ASTN2: variants seen among roughly 807,000 people sequenced by gnomAD.
The protein encoded by ASTN2 is astrotactin 2, also known as astrotactin-2.
A neutral mutation model predicts 139.8 loss-of-function variants in ASTN2; 54 were observed. That is an observed-to-expected ratio of 0.39 (90% CI 0.31 to 0.48). ASTN2 has a LOEUF of 0.48. Among genes scored for constraint, ASTN2 ranks in the 20% least tolerant of loss-of-function variants. The pLI is 0.95. For synonymous variants in ASTN2, 756 were observed against 719.5 expected (o/e 1.05, Z -0.81); for missense variants, 1,565 against 1,725.1 (o/e 0.91, Z 1.64).
At chr9:117,146,165 A>G (rs1301119337) in intron 3 of ASTN2, among the ~76,000 whole-genome samples, 1 of 152,012 alleles carries the variant, frequency 6.6e-6, no homozygotes, top group Non-Finnish European at 1.5e-5. Flanking sequence ...AGCTCTATCG[A>G]TATCAGTATA....
intron 2 of ASTN2, among the ~76,000 whole-genome samples, chr9:117,244,267 A>C (rs1194041358): frequency 6.6e-6 from 1 of 152,174 alleles, no homozygotes; most frequent in Non-Finnish European, 1.5e-5. Flanking sequence ...GTGTGAGAAC[A>C]GTCTAATACA....
At chr9:117,013,007 G>C (rs1278639115) in intron 6 of ASTN2, among the ~76,000 whole-genome samples, 1 of 152,154 alleles carries the variant, frequency 6.6e-6, no homozygotes, top group Non-Finnish European at 1.5e-5. Flanking sequence ...AAGCATGACT[G>C]TCTGCTCCCC....
intron 13 of ASTN2, among the ~76,000 whole-genome samples, chr9:116,743,260 G>T (rs1829141839): frequency 6.6e-6 from 1 of 152,080 alleles, no homozygotes; most frequent in Non-Finnish European, 1.5e-5. Flanking sequence ...TCAAAAAATG[G>T]AAATACTTGG....
intron 3 of ASTN2, among the ~76,000 whole-genome samples, chr9:117,170,819 T>C (rs946426889): frequency 1.3e-5 from 2 of 152,150 alleles, no homozygotes; most frequent in African/African-American, 4.8e-5. Context: ...TGATTTGATT[T>C]TGCAAAACAA....
chr9:116,944,704 G>T (rs1218269749), intron 10 of ASTN2, among the ~76,000 whole-genome samples: 1 of 118,080 alleles, frequency 8.5e-6, no homozygotes, highest in Non-Finnish European at 1.8e-5. Flanking sequence ...AAAAAAAAAA[G>T]CAGATGCAAA....
chr9:117,210,598 T>A (rs531651479), intron 3 of ASTN2, among the ~76,000 whole-genome samples: 12 of 152,162 alleles, frequency 7.9e-5, no homozygotes, highest in Non-Finnish European at 1.5e-4. Context: ...CAGGACCAGA[T>A]GGCTTCACCA....
intron 17 of ASTN2, among the ~76,000 whole-genome samples, chr9:116,636,927 G>A (rs984066316): frequency 6.6e-6 from 1 of 152,124 alleles, no homozygotes; most frequent in African/African-American, 2.4e-5. Flanking sequence ...AGGGCTCAAG[G>A]TTAAAGCAAG....
At chr9:117,135,291 T>G (rs1371886999) in intron 4 of ASTN2, among the ~76,000 whole-genome samples, 1 of 152,206 alleles carries the variant, frequency 6.6e-6, no homozygotes, top group Non-Finnish European at 1.5e-5. Context: ...TTTCCTTCTT[T>G]GTTGAATGGG....
rs1437280099 is a variant in ASTN2, at chr9:116,983,384, C to A, written c.1592-6599G>T. Among the ~76,000 whole-genome samples the A allele has an allele frequency of 2.5e-4, 38 of 152,200 alleles. 1 individual carries two copies. Among genetic ancestry groups the A allele is most frequent in the Admixed American group, 2.5e-3 (38 of 15,284 alleles). On this transcript the variant is annotated intron_variant, in intron 7 of 22. Coordinates refer to ENST00000313400, the MANE Select transcript of ASTN2 (RefSeq NM_001365068.1). The stretch of plus-strand genomic sequence containing the variant: ...TTGCATGTCACAGCCATGACTAGTA[C>A]AAGGAGGAAGGTACTGATGCCCTCC...
chr9:117,161,476 C>T (rs545624781), intron 3 of ASTN2, among the ~76,000 whole-genome samples: 107 of 152,056 alleles, frequency 7.0e-4, no homozygotes, highest in Non-Finnish European at 1.3e-3. Context: ...TCACTGCAAC[C>T]TATGCTTCCT....
chr9:116,823,032 C>T (rs1442781935), intron 11 of ASTN2, among the ~76,000 whole-genome samples: 2 of 152,148 alleles, frequency 1.3e-5, no homozygotes, highest in Non-Finnish European at 2.9e-5. Flanking sequence ...CTGAGGCCAC[C>T]ACAACCTGAA....
At chr9:116,665,072 T>C (rs60796176) in intron 16 of ASTN2, among the ~76,000 whole-genome samples, 1,695 of 152,292 alleles carry the variant, frequency 0.011, 30 homozygotes, top group African/African-American at 0.039. Context: ...TCTTGCCATG[T>C]GATACACCTA....
chr9:117,305,235 G>A (rs772227093), intron 1 of ASTN2, among the ~76,000 whole-genome samples: 5 of 152,194 alleles, frequency 3.3e-5, no homozygotes, highest in South Asian at 2.1e-4. Context: ...TGTCAAATGT[G>A]GGGACTGATC....
chr9:117,044,294 T>C (rs976059538), intron 5 of ASTN2, among the ~76,000 whole-genome samples: 2 of 152,090 alleles, frequency 1.3e-5, no homozygotes, highest in Non-Finnish European at 1.5e-5. Context: ...GGAGTTGGGG[T>C]GAGAATGAAC....
intron 16 of ASTN2, among the ~76,000 whole-genome samples, chr9:116,662,873 C>T (rs896652610): frequency 1.1e-4 from 17 of 152,116 alleles, no homozygotes; most frequent in African/African-American, 3.9e-4. Context: ...CTGTAATATA[C>T]AGCTGAAAAA....
At chr9:116,530,050 G>A (rs888849140) in intron 19 of ASTN2, among the ~76,000 whole-genome samples, 1 of 128,916 alleles carries the variant, frequency 7.8e-6, no homozygotes, top group African/African-American at 2.9e-5. Context: ...GCCAAGATAT[G>A]GAATCAACCT....
intron 11 of ASTN2, among the ~76,000 whole-genome samples, chr9:116,855,157 T>C (rs945725427): frequency 1.3e-5 from 2 of 152,100 alleles, no homozygotes; most frequent in African/African-American, 4.8e-5. Flanking sequence ...GCTTCAAATG[T>C]CATGAGAAGA....
At chr9:117,379,320 G>A (rs1177497214) in intron 1 of ASTN2, among the ~76,000 whole-genome samples, 2 of 152,112 alleles carry the variant, frequency 1.3e-5, no homozygotes, top group Non-Finnish European at 2.9e-5. Context: ...AGGAGCAAAG[G>A]GACCCGGTGT....
In ASTN2 at chr9:116,821,607, C is replaced by T. The variant is rs955696668; in HGVS notation, c.2041-824G>A. Among the ~76,000 whole-genome samples, 97 of 152,246 alleles carry T rather than the reference C, an allele frequency of 6.4e-4. 1 individual carries two copies. The highest frequency in any genetic ancestry group is 3.9e-4 in the East Asian group (2 of 5,178). ...GTGCTATTTCTAAATAGCATCACTCCCCAGCTTAAATAAGTAAATGAATCT... is the reference window on the plus strand; with the variant it reads ...GTGCTATTTCTAAATAGCATCACTCTCCAGCTTAAATAAGTAAATGAATCT... On this transcript the variant is annotated intron_variant, in intron 11 of 22. Coordinates refer to ENST00000313400, the MANE Select transcript of ASTN2 (RefSeq NM_001365068.1).
Sources: gnomAD v4.1 joint callset for allele counts (sites outside exome capture counted in the v4.1 genomes callset) on GRCh38, gnomAD v4.1.1 for gene constraint, MANE v1.5 for transcripts, NCBI Gene and HGNC (gene_info 2026-07-23, HGNC 2026-07-21) for gene names.